The following ELF1 variants were observed in gnomAD, a reference collection of about 807,000 sequenced individuals.
ELF1 encodes the protein E74 like ETS transcription factor 1, also known as ETS-related transcription factor Elf-1.
In ELF1, 24 loss-of-function variants were observed where a neutral mutation model predicts 59.9. The ratio of observed to expected loss-of-function variants is 0.40; its 90% CI spans 0.29 to 0.56. ELF1 has a LOEUF of 0.56. Among genes scored for constraint, ELF1 ranks in the 20% least tolerant of loss-of-function variants. The pLI is 0.44. For synonymous variants in ELF1, 248 were observed against 266.2 expected (o/e 0.93, Z 0.67); for missense variants, 627 against 742.2 (o/e 0.84, Z 1.80).
intron 1 of ELF1, among the ~76,000 whole-genome samples, chr13:41,009,397 C>T (rs1874925360): frequency 6.6e-6 from 1 of 152,074 alleles, no homozygotes; most frequent in Non-Finnish European, 1.5e-5. Flanking sequence ...GATACCTACA[C>T]CAAGAACTGA....
At chr13:41,025,770 T>C (rs1163412261) in intron 1 of ELF1, among the ~76,000 whole-genome samples, 2 of 152,342 alleles carry the variant, frequency 1.3e-5, no homozygotes, top group South Asian at 2.1e-4. Flanking sequence ...CAGATGAATC[T>C]AGGAGAATCA....
intron 1 of ELF1, among the ~76,000 whole-genome samples, chr13:41,016,363 A>G (rs1460186953): frequency 2.0e-5 from 3 of 152,218 alleles, no homozygotes; most frequent in African/African-American, 4.8e-5. Context: ...AACCACCCCA[A>G]TAAAACACAC....
At chr13:41,033,207 T>C (rs1320707767) in intron 1 of ELF1, among the ~76,000 whole-genome samples, 2 of 152,152 alleles carry the variant, frequency 1.3e-5, no homozygotes, top group South Asian at 2.1e-4. Flanking sequence ...ATTAAGAACA[T>C]GGGGTTTGGA....
chr13:40,981,528 G>T (rs1873269934), intron 2 of ELF1, among the ~76,000 whole-genome samples: 2 of 152,110 alleles, frequency 1.3e-5, no homozygotes, highest in Admixed American at 1.3e-4. Context: ...ATCTAGAGAA[G>T]TTAAGTAACT....
intron 1 of ELF1, chr13:40,993,395 G>T (rs567215980): frequency 8.6e-6 from 7 of 817,116 alleles, no homozygotes; most frequent in South Asian, 1.5e-5. Flanking sequence ...GATGGGTCTG[G>T]GGGGAGCGGG....
intron 1 of ELF1, among the ~76,000 whole-genome samples, chr13:40,987,842 A>G (rs1269238044): frequency 6.6e-6 from 1 of 152,218 alleles, no homozygotes; most frequent in Non-Finnish European, 1.5e-5. Flanking sequence ...GAACAGAAAG[A>G]ACTTTCACAA....
At chr13:41,029,131 T>C (rs1414872714) in intron 1 of ELF1, among the ~76,000 whole-genome samples, 2 of 152,206 alleles carry the variant, frequency 1.3e-5, no homozygotes, top group African/African-American at 4.8e-5. Context: ...TGAGGATAAA[T>C]CAGTGCATTT....
intron 1 of ELF1, among the ~76,000 whole-genome samples, chr13:41,008,961 T>C (rs1874902349): frequency 6.6e-6 from 1 of 151,820 alleles, no homozygotes; most frequent in Non-Finnish European, 1.5e-5. Flanking sequence ...TTTTGCACTT[T>C]TTTTTTTAAA....
At chr13:41,061,129 G>T (rs1393263334) in exon 1 of ELF1, 2 of 192,388 alleles carry the variant, frequency 1.0e-5, no homozygotes, top group South Asian at 8.2e-5. Flanking sequence ...AGAGGACCCC[G>T]ACCCACAGGT....
At chr13:40,966,674 T>G (rs1015454182) in intron 2 of ELF1, among the ~76,000 whole-genome samples, 4 of 152,192 alleles carry the variant, frequency 2.6e-5, no homozygotes, top group Non-Finnish European at 5.9e-5. Flanking sequence ...CATCAAGTTT[T>G]TGGGTATCAA....
chr13:41,041,245 T>A (rs1876594803), intron 1 of ELF1, among the ~76,000 whole-genome samples: 1 of 122,212 alleles, frequency 8.2e-6, no homozygotes, highest in African/African-American at 3.2e-5. Context: ...AAAAAAAGGA[T>A]CAAGCTGGTT....
chr13:40,960,489 AT>A (rs1339570175), intron 2 of ELF1, among the ~76,000 whole-genome samples: 2 of 152,194 alleles, frequency 1.3e-5, no homozygotes, highest in East Asian at 3.8e-4. Context: ...TTCAGTTTGC[AT>A]TTTTGGTAGG....
chr13:40,952,076 G>A (rs1370020482), intron 3 of ELF1, among the ~76,000 whole-genome samples: 1 of 152,084 alleles, frequency 6.6e-6, no homozygotes, highest in Non-Finnish European at 1.5e-5. Flanking sequence ...TTTCTGAGTT[G>A]CCATTCATCT....
intron 1 of ELF1, among the ~76,000 whole-genome samples, chr13:41,032,986 T>C (rs1297978635): frequency 1.3e-5 from 2 of 152,244 alleles, no homozygotes; most frequent in African/African-American, 4.8e-5. Context: ...CCTTTTGCTT[T>C]AGGCCTGAAT....
chr13:41,001,423 C>CT (rs916582961), intron 1 of ELF1, among the ~76,000 whole-genome samples: 2 of 151,954 alleles, frequency 1.3e-5, no homozygotes, highest in Non-Finnish European at 2.9e-5. Flanking sequence ...CTCCATCTAT[C>CT]TTTTTTTTAA....
intron 2 of ELF1, among the ~76,000 whole-genome samples, chr13:40,967,856 G>C (rs969547999): frequency 2.0e-5 from 3 of 151,998 alleles, no homozygotes; most frequent in African/African-American, 7.2e-5. Context: ...GCCTCCCAAA[G>C]TGCTGGGATT....
At chr13:41,054,030 T>C (rs905267213) in intron 1 of ELF1, among the ~76,000 whole-genome samples, 2 of 152,142 alleles carry the variant, frequency 1.3e-5, no homozygotes, top group African/African-American at 4.8e-5. Context: ...CTCTCAAGGA[T>C]AATACCATAT....
upstream of ELF1, among the ~76,000 whole-genome samples, chr13:41,023,008 T>C (rs151091021): frequency 7.2e-5 from 11 of 152,256 alleles, no homozygotes; most frequent in African/African-American, 1.9e-4. Context: ...GTACATACTG[T>C]GGGTATGTTT....
rs551351036 is a variant in ELF1, at chr13:40,942,165, T to C, written c.806+787A>G. Among the ~76,000 whole-genome samples, 214 of 152,284 alleles carry C rather than the reference T, an allele frequency of 1.4e-3. 1 individual carries two copies. Among genetic ancestry groups the C allele is most frequent in the Admixed American group, 3.0e-3 (46 of 15,288 alleles). ...GTGTATAAAATTTAACCATATGCAA[T>C]AGCAGTGATCCAACTTTTGTCATCT... On this transcript the variant is annotated intron_variant, in intron 7 of 8. Transcript: ENST00000239882.
Sources: allele counts gnomAD v4.1 joint callset (sites outside exome capture counted in the v4.1 genomes callset), GRCh38; gene constraint gnomAD v4.1.1; transcripts MANE v1.5; gene names NCBI Gene and HGNC (gene_info 2026-07-23, HGNC 2026-07-21).